The following HPD variants were observed in gnomAD, a reference collection of about 807,000 sequenced individuals.
HPD encodes the protein 4-hydroxyphenylpyruvate dioxygenase.
A neutral mutation model predicts 56.9 loss-of-function variants in HPD; 35 were observed. The observed-to-expected ratio is 0.62, with a 90% CI of 0.47 to 0.82. HPD has a LOEUF of 0.82. HPD is among the 40% of genes least tolerant of loss of function. The pLI is 0.00. For missense variants in HPD, 442 were observed against 506.8 expected (o/e 0.87, Z 1.23); for synonymous variants, 186 against 200.2 (o/e 0.93, Z 0.60).
chr12:121,854,621 G>A (rs1877926119), intron 7 of HPD, 82 bp downstream of exon 7: 1 of 960,830 alleles, frequency 1.0e-6, no homozygotes, highest in African/African-American at 1.6e-5. Context: ...GGGTGGGATG[G>A]TTTGATGGAG....
At chr12:121,846,717 T>C (rs1236933480) in intron 11 of HPD, 145 bp downstream of exon 11, 1 of 763,296 alleles carries the variant, frequency 1.3e-6, no homozygotes, top group Non-Finnish European at 2.3e-6. Context: ...TGCCCATGAG[T>C]TGCAAGAAGC....
In HPD at chr12:121,854,812, G is replaced by A. The variant is rs745676456; in HGVS notation, c.325-20C>T. 3.1e-5 allele frequency: 49 copies of A among 1,594,460 alleles called. No homozygotes were observed. The East Asian group carries it at 5.1e-4, about 17-fold the overall frequency. ...TGCTTTCTGCAGAGAAGATGGGATC[G>A]GGGAATTGGTGAGGGCTGGAGCCTT... On this transcript the variant is annotated intron_variant, in intron 6 of 13. Transcript: ENST00000289004.
chr12:121,877,143 G>A, the HPD span, among the ~76,000 whole-genome samples: 1 of 151,648 alleles, frequency 6.6e-6, no homozygotes, highest in Non-Finnish European at 1.5e-5. Context: ...TACCTACAGG[G>A]ATAGAAGTGA....
chr12:121,856,663 A>AG (rs1878012388), intron 4 of HPD, 38 bp from the exon 5 acceptor site: 7 of 1,604,734 alleles, frequency 4.4e-6, no homozygotes, highest in Non-Finnish European at 6.0e-6. Context: ...CTAGTGGCTC[A>AG]GGGGGGCATG....
upstream of HPD, among the ~76,000 whole-genome samples, chr12:121,867,320 C>G (rs549643820): frequency 3.6e-3 from 539 of 149,906 alleles, 3 homozygotes; most frequent in African/African-American, 0.013. Context: ...CCACTGCACT[C>G]CAGCCTGGGA....
At chr12:121,862,359 G>A (rs1878198422), upstream of HPD, among the ~76,000 whole-genome samples, 1 of 150,738 alleles carries the variant, frequency 6.6e-6, no homozygotes, top group Non-Finnish European at 1.5e-5. Context: ...GTGCAATGGT[G>A]CGATCTCGGC....
chr12:121,858,793 C>A, intron 1 of HPD, 28 bp downstream of exon 1: 2 of 1,614,108 alleles, frequency 1.2e-6, no homozygotes, highest in Non-Finnish European at 1.7e-6. Context: ...AGATGTCCCA[C>A]CCAAGGGGAG....
At chr12:121,850,395 C>G (rs1167115446) in intron 7 of HPD, among the ~76,000 whole-genome samples, 2 of 150,092 alleles carry the variant, frequency 1.3e-5, no homozygotes, top group African/African-American at 4.9e-5. Flanking sequence ...CCACTACACT[C>G]CAGCCTGGGC....
intron 7 of HPD, among the ~76,000 whole-genome samples, chr12:121,850,296 G>A (rs10840622): frequency 0.33 from 49,518 of 150,876 alleles, 8,511 homozygotes; most frequent in Middle Eastern, 0.42. Context: ...GTGGCGTGGC[G>A]GGTGCCCGTA....
the HPD span, among the ~76,000 whole-genome samples, chr12:121,882,878 A>C: frequency 1.3e-5 from 2 of 152,018 alleles, no homozygotes. Context: ...GATTACAGGC[A>C]CCTGCCACCA....
chr12:121,858,450 C>T (rs926142548), intron 2 of HPD, among the ~76,000 whole-genome samples: 2 of 152,128 alleles, frequency 1.3e-5, no homozygotes, highest in Non-Finnish European at 2.9e-5. Context: ...TCCCAAAGCA[C>T]TGGGATTACA....
At chr12:121,840,118 C>T in intron 12 of HPD, 70 bp from the exon 13 acceptor site, 2 of 984,992 alleles carry the variant, frequency 2.0e-6, no homozygotes, top group South Asian at 1.3e-5. Flanking sequence ...TCCACAGGGG[C>T]TCCTGCACCC....
Position 121,847,217 on chromosome 12 carries a change from G to A in HPD, c.597-3C>T. On this transcript the variant is annotated splice_polypyrimidine_tract_variant and splice_region_variant and intron_variant, in intron 9 of 13. Coordinates refer to ENST00000289004, the MANE Select transcript of HPD (RefSeq NM_002150.3). ...GGAACTGCAGGTTTTTCAGGTACCT[G>A]TAGGGTGGGCGGTGGAACACATATG... The A allele has an allele frequency of 6.2e-7, 1 of 1,614,134 alleles. No homozygotes were observed. The highest frequency in any genetic ancestry group is 8.5e-7 in the Non-Finnish European group (1 of 1,179,994).
In HPD at chr12:121,854,647, C is replaced by T; in HGVS notation, c.414+56G>A. Reference sequence around the variant, plus strand: ...TTTGATGGAGTCAGCTGCGGGGCTCCTGGCATCTCAGTGGTGCCGACAGCA... The same window carrying T: ...TTTGATGGAGTCAGCTGCGGGGCTCTTGGCATCTCAGTGGTGCCGACAGCA... On this transcript the variant is annotated intron_variant, in intron 7 of 13. Transcript: ENST00000289004. 10 of 1,226,220 alleles carry T rather than the reference C, an allele frequency of 8.2e-6. No homozygotes were observed. The Admixed American group carries it at 1.5e-4, about 19-fold the overall frequency. The allele number at this position is 1,226,220 out of a possible 1,614,324, so 76.0% of individuals were successfully genotyped here. A position where few individuals can be genotyped will look rare whatever the true frequency, so the allele number is the denominator to read the frequency against.
the HPD span, among the ~76,000 whole-genome samples, chr12:121,880,940 G>A: frequency 1.3e-5 from 2 of 152,134 alleles, no homozygotes; most frequent in Admixed American, 6.6e-5. Context: ...GACTACAAGT[G>A]TGTCCCACCA....
chr12:121,884,138 T>C, the HPD span, among the ~76,000 whole-genome samples: 1 of 151,990 alleles, frequency 6.6e-6, no homozygotes, highest in East Asian at 1.9e-4. Flanking sequence ...AAGGATCATG[T>C]ATTGCATTTA....
At chr12:121,865,716 G>A (rs899115449), upstream of HPD, among the ~76,000 whole-genome samples, 1 of 151,974 alleles carries the variant, frequency 6.6e-6, no homozygotes, top group Non-Finnish European at 1.5e-5. Context: ...GAGGCTGGGT[G>A]TGGTGGCTCA....
rs1295243404 is a variant in HPD, at chr12:121,839,854, G to C, written c.1072-16C>G. 6.2e-7 allele frequency: 1 copy of C among 1,612,802 alleles called. No homozygotes were observed. The highest frequency in any genetic ancestry group is 8.5e-7 in the Non-Finnish European group (1 of 1,178,750). ...CTCCAAAACCCTGTGGCGGGAAAGA[G>C]AGGAGATGAGCCAAGGACCCAGAAA... On this transcript the variant is annotated splice_polypyrimidine_tract_variant and intron_variant, in intron 13 of 13. Coordinates refer to ENST00000289004, the MANE Select transcript of HPD (RefSeq NM_002150.3).
the HPD span, among the ~76,000 whole-genome samples, chr12:121,880,774 G>A: frequency 2.6e-5 from 4 of 152,156 alleles, no homozygotes; most frequent in African/African-American, 4.8e-5. Flanking sequence ...TTACAGACAT[G>A]AGCCACCATG....
Sources: gnomAD v4.1 joint callset for allele counts (sites outside exome capture counted in the v4.1 genomes callset) on GRCh38, gnomAD v4.1.1 for gene constraint, MANE v1.5 for transcripts, NCBI Gene and HGNC (gene_info 2026-07-23, HGNC 2026-07-21) for gene names.